PRXL2A: variants seen among roughly 807,000 people sequenced by gnomAD.
The protein encoded by PRXL2A is peroxiredoxin-like 2A.
In PRXL2A, 26 loss-of-function variants were observed where a neutral mutation model predicts 25.6. The observed-to-expected ratio is 1.02, with a 90% confidence interval of 0.74 to 1.41. PRXL2A has a LOEUF of 1.41. Ranked by LOEUF, PRXL2A falls within the 40% of genes most tolerant of loss-of-function variation. PRXL2A has a pLI of 0.00. For synonymous variants in PRXL2A, 98 were observed against 102.9 expected (o/e 0.95, Z 0.29); for missense variants, 246 against 273.9 (o/e 0.90, Z 0.72).
At chr10:80,413,471 C>G (rs552790378) in intron 1 of PRXL2A, among the ~76,000 whole-genome samples, 33 of 152,132 alleles carry the variant, frequency 2.2e-4, no homozygotes, top group Non-Finnish European at 4.1e-4. Context: ...GCAGGCTGCA[C>G]GAGGAGCCAC....
Position 80,432,168 on chromosome 10 carries a change from C to T in PRXL2A, c.*69C>T, listed in dbSNP as rs184860345. On this transcript the variant is annotated 3_prime_UTR_variant, in exon 6 of 6. Transcript: ENST00000606162. ...CTGTGTTCATGGGATGTATTGTTTC[C>T]ACTCGTGTCCCTAAGGAGTGAGAAA... 5.5e-4 allele frequency: 497 copies of T among 897,362 alleles called. 6 individuals carry two copies. The Middle Eastern group carries it at 0.014, about 25-fold the overall frequency. The allele number at this position is 897,362 out of a possible 1,614,324, so 55.6% of individuals were successfully genotyped here.
At chr10:80,423,965 C>G (rs989745250) in intron 3 of PRXL2A, among the ~76,000 whole-genome samples, 4 of 152,054 alleles carry the variant, frequency 2.6e-5, no homozygotes, top group African/African-American at 9.7e-5. Context: ...GCCCCTTCCT[C>G]TATTTTTAGG....
In PRXL2A at chr10:80,412,611, C is replaced by T. The variant is rs117830142; in HGVS notation, c.-3+3968C>T. 3.8e-3 allele frequency among the ~76,000 whole-genome samples: 579 copies of T among 152,268 alleles called. 1 individual carries two copies. Among genetic ancestry groups the T allele is most frequent in the Non-Finnish European group, 5.5e-3 (373 of 68,020 alleles). On this transcript the variant is annotated intron_variant, in intron 1 of 5. Coordinates refer to ENST00000606162, the MANE Select transcript of PRXL2A (RefSeq NM_032333.5). ...AGGGTTATGGGTGTGTGCGCACACA[C>T]ATGCACGCTATAGAAGAGGTCAGTG...
chr10:80,425,083 T>C (rs1844998819), intron 3 of PRXL2A, among the ~76,000 whole-genome samples: 1 of 152,198 alleles, frequency 6.6e-6, no homozygotes, highest in African/African-American at 2.4e-5. Context: ...CATATTTGTA[T>C]TGGAGATGAG....
chr10:80,426,131 A>T, intron 4 of PRXL2A, 125 bp downstream of exon 4: 1 of 1,206,260 alleles, frequency 8.3e-7, no homozygotes, highest in Non-Finnish European at 1.2e-6. Flanking sequence ...GCTGTCCTGA[A>T]CTTGCAAGGC....
At chr10:80,422,366 A>T in intron 2 of PRXL2A, 51 bp from the exon 3 acceptor site, 1 of 1,462,276 alleles carries the variant, frequency 6.8e-7, no homozygotes, top group Non-Finnish European at 9.6e-7. Flanking sequence ...CTGCTTAGTG[A>T]TTGGGGCTGG....
chr10:80,408,854 T>G (rs1844358533), intron 1 of PRXL2A, among the ~76,000 whole-genome samples: 1 of 152,124 alleles, frequency 6.6e-6, no homozygotes, highest in South Asian at 2.1e-4. Flanking sequence ...CCACCCTGCG[T>G]GGCGGCCGAT....
intron 1 of PRXL2A, among the ~76,000 whole-genome samples, chr10:80,417,474 C>G (rs1473866085): frequency 1.3e-5 from 2 of 152,076 alleles, no homozygotes; most frequent in African/African-American, 2.4e-5. Context: ...GTCTGGCTTT[C>G]CCAGCTAGAA....
At position 80,408,588 on chromosome 10, in the gene PRXL2A, C is replaced by T. The variant is rs1463761926; in HGVS notation, c.-58C>T. The T allele has an allele frequency of 2.0e-5, 3 of 152,266 alleles. No homozygotes were observed. The highest frequency in any genetic ancestry group is 1.5e-5 in the Non-Finnish European group (1 of 68,120). The allele number at this position is 152,266 out of a possible 1,614,324, so 9.4% of individuals were successfully genotyped here. On this transcript the variant is annotated 5_prime_UTR_variant, in exon 1 of 6. Coordinates refer to ENST00000606162, the MANE Select transcript of PRXL2A (RefSeq NM_032333.5). Reference sequence around the variant, plus strand: ...GACCCTCCGGGCCGGGCGGTTTGGCCCCTTAGCGCCCGGGCGTCGGGGCGG... The same window carrying T: ...GACCCTCCGGGCCGGGCGGTTTGGCTCCTTAGCGCCCGGGCGTCGGGGCGG...
chr10:80,420,670 A>G (rs751503985), intron 2 of PRXL2A, 25 bp downstream of exon 2: 2 of 1,510,994 alleles, frequency 1.3e-6, no homozygotes, highest in Admixed American at 4.1e-5. Flanking sequence ...TTCAGGTCTC[A>G]GTACTTTTCC....
intron 5 of PRXL2A, among the ~76,000 whole-genome samples, chr10:80,428,100 A>C (rs1177255511): frequency 6.6e-6 from 1 of 152,052 alleles, no homozygotes; most frequent in Admixed American, 6.6e-5. Context: ...TTCTGTGGGG[A>C]TCTTGGTGTC....
chr10:80,425,227 G>A (rs959502093), intron 3 of PRXL2A, among the ~76,000 whole-genome samples: 1 of 152,204 alleles, frequency 6.6e-6, no homozygotes, highest in Non-Finnish European at 1.5e-5. Context: ...CACAGTTCCT[G>A]AGAGTCAAGG....
chr10:80,415,835 G>A (rs1176341015), intron 1 of PRXL2A, among the ~76,000 whole-genome samples: 1 of 152,216 alleles, frequency 6.6e-6, no homozygotes, highest in Non-Finnish European at 1.5e-5. Flanking sequence ...GGCTGTTTGA[G>A]TGTGGCAGGG....
In PRXL2A at chr10:80,434,963, C is replaced by G. The variant is rs759677709; in HGVS notation, c.*2864C>G. 2 of 152,258 alleles carry G rather than the reference C, an allele frequency of 1.3e-5. No individual in the cohort carries two copies. The highest frequency in any genetic ancestry group is 2.9e-5 in the Non-Finnish European group (2 of 68,070). 9.4% of individuals were successfully genotyped at this position (152,258 alleles called of 1,614,324 possible). Reference sequence around the variant, plus strand: ...GTGCCATGGCTCATGCCTATAATCCCAGCACTTTGGGTGGCCAAGGTGGGT... The same window carrying G: ...GTGCCATGGCTCATGCCTATAATCCGAGCACTTTGGGTGGCCAAGGTGGGT... On this transcript the variant is annotated 3_prime_UTR_variant, in exon 6 of 6. Transcript: ENST00000606162.
chr10:80,418,721 T>G (rs951104612), intron 1 of PRXL2A, among the ~76,000 whole-genome samples: 2 of 152,124 alleles, frequency 1.3e-5, no homozygotes, highest in Admixed American at 1.3e-4. Context: ...GAGCTTAGGA[T>G]GGCGTGAGGA....
intron 2 of PRXL2A, among the ~76,000 whole-genome samples, chr10:80,421,741 A>G (rs1844872334): frequency 6.6e-6 from 1 of 151,952 alleles, no homozygotes. Flanking sequence ...TTGAGCCCTC[A>G]CCAACTCTAT....
At chr10:80,417,046 C>T (rs556786265) in intron 1 of PRXL2A, among the ~76,000 whole-genome samples, 3 of 152,212 alleles carry the variant, frequency 2.0e-5, no homozygotes, top group East Asian at 3.9e-4. Context: ...CTCTCGGCCC[C>T]GAGGAAAGGG....
At position 80,433,617 on chromosome 10, in the gene PRXL2A, A is replaced by C. The variant is rs1280625310; in HGVS notation, c.*1518A>C. ...TTCGGGACTAAGACCCACTAAGACC[A>C]TGCCTGCACCTGACTTCATGTAGCA... On this transcript the variant is annotated 3_prime_UTR_variant, in exon 6 of 6. Coordinates refer to ENST00000606162, the MANE Select transcript of PRXL2A (RefSeq NM_032333.5). The C allele has an allele frequency of 6.6e-6, 1 of 152,256 alleles. No individual in the cohort carries two copies. Among genetic ancestry groups the C allele is most frequent in the Admixed American group, 6.5e-5 (1 of 15,276 alleles). 9.4% of individuals were successfully genotyped at this position (152,256 alleles called of 1,614,324 possible).
Position 80,427,504 on chromosome 10 carries a change from C to A in PRXL2A, c.576+8C>A, listed in dbSNP as rs2131907920. ...GTGGGATCAGGAAAGCAGGTGAGTT[C>A]TTGGTGTTTACTTGTGGTCTGTAGG... is the stretch of plus-strand genomic sequence containing the variant. On this transcript the variant is annotated splice_region_variant and intron_variant, in intron 5 of 5. Transcript: ENST00000606162. 1.2e-6 allele frequency: 2 copies of A among 1,613,764 alleles called. No homozygotes were observed. The highest frequency in any genetic ancestry group is 4.5e-5 in the East Asian group (2 of 44,876).
Sources: gnomAD v4.1 joint callset for allele counts (sites outside exome capture counted in the v4.1 genomes callset) on GRCh38, gnomAD v4.1.1 for gene constraint, MANE v1.5 for transcripts, NCBI Gene and HGNC (gene_info 2026-07-23, HGNC 2026-07-21) for gene names.